Variants in GNB1 observed in about 807,000 individuals in gnomAD.
The protein encoded by GNB1 is guanine nucleotide-binding protein G(I)/G(S)/G(T) subunit beta-1.
A neutral mutation model predicts 42.9 loss-of-function variants in GNB1; 2 were observed. That is an observed-to-expected ratio of 0.05 (90% CI 0.02 to 0.15). The LOEUF (loss-of-function observed/expected upper bound fraction) is 0.15. Among genes scored for constraint, GNB1 ranks in the 10% least tolerant of loss-of-function variants. GNB1 has a pLI of 1.00. For missense variants in GNB1, 193 were observed against 462.2 expected (o/e 0.42, Z 5.34); for synonymous variants, 183 against 174.7 (o/e 1.05, Z -0.38).
At chr1:1,852,369 T>C (rs895330702) in intron 1 of GNB1, among the ~76,000 whole-genome samples, 1 of 151,960 alleles carries the variant, frequency 6.6e-6, no homozygotes, top group Non-Finnish European at 1.5e-5. Flanking sequence ...GCTGGGACTA[T>C]AGACGCCCGC....
At chr1:1,797,332 T>C (rs1472456656) in intron 7 of GNB1, among the ~76,000 whole-genome samples, 1 of 152,248 alleles carries the variant, frequency 6.6e-6, no homozygotes, top group Admixed American at 6.5e-5. Flanking sequence ...ACTATAGTTA[T>C]ATAATACTGT....
chr1:1,806,359 G>C, intron 6 of GNB1, 116 bp downstream of exon 6: 1 of 636,686 alleles, frequency 1.6e-6, no homozygotes, highest in Admixed American at 2.6e-5. Flanking sequence ...AACAAACAGA[G>C]CTTGCCGCTG....
chr1:1,858,837 CCT>C (rs1187186718), intron 1 of GNB1, among the ~76,000 whole-genome samples: 5 of 152,084 alleles, frequency 3.3e-5, no homozygotes, highest in African/African-American at 9.7e-5. Flanking sequence ...CTAATAAAGC[CCT>C]GTTTGCAGTG....
At chr1:1,844,391 CAAAA>C (rs66531711) in intron 1 of GNB1, among the ~76,000 whole-genome samples, 1 of 128,270 alleles carries the variant, frequency 7.8e-6, no homozygotes, top group East Asian at 2.3e-4. Flanking sequence ...ACTCCGTCTC[CAAAA>C]AAAAAAAAAA....
chr1:1,832,691 G>C (rs1483563545), intron 2 of GNB1, among the ~76,000 whole-genome samples: 4 of 152,306 alleles, frequency 2.6e-5, no homozygotes, highest in South Asian at 4.2e-4. Flanking sequence ...GAGAGTCTAG[G>C]AGGGGCACCT....
At chr1:1,843,961 C>T (rs909983590) in intron 1 of GNB1, among the ~76,000 whole-genome samples, 3 of 151,648 alleles carry the variant, frequency 2.0e-5, no homozygotes, top group South Asian at 2.1e-4. Context: ...TTTGGGAGGC[C>T]GAGGCGGGCG....
chr1:1,858,152 A>G (rs190801101), intron 1 of GNB1, among the ~76,000 whole-genome samples: 1 of 152,314 alleles, frequency 6.6e-6, no homozygotes, highest in East Asian at 1.9e-4. Context: ...TCTTTTCTTT[A>G]AAAGCATTCA....
In GNB1 at chr1:1,786,354, TTC is replaced by T. The variant is rs1209568833; in HGVS notation, c.*707_*708del. The T allele has an allele frequency of 3.1e-6, 1 of 322,964 alleles. No homozygotes were observed. The highest frequency in any genetic ancestry group is 5.6e-6 in the Non-Finnish European group (1 of 178,594). The allele number at this position is 322,964 out of a possible 1,614,324, so 20.0% of individuals were successfully genotyped here. A position where few individuals can be genotyped will look rare whatever the true frequency, so the allele number is the denominator to read the frequency against. On this transcript the variant is annotated 3_prime_UTR_variant, in exon 12 of 12. Transcript: ENST00000378609. ...CTCACTTTTCAGCAAAGGTGAAGGA[TTC>T]TCTGATCACGCATTTGAGACCGTCC...
intron 2 of GNB1, among the ~76,000 whole-genome samples, chr1:1,830,456 T>C (rs1420875456): frequency 6.6e-6 from 1 of 150,754 alleles, no homozygotes; most frequent in African/African-American, 2.4e-5. Context: ...AGGGACGGGG[T>C]TTCACCGTGG....
chr1:1,877,298 C>CAA (rs67155402), intron 1 of GNB1, among the ~76,000 whole-genome samples: 6 of 124,682 alleles, frequency 4.8e-5, no homozygotes, highest in Admixed American at 8.8e-5. Context: ...GACTCTGTCT[C>CAA]AAAAAAAAAA....
At chr1:1,871,459 A>T (rs1453580753) in intron 1 of GNB1, among the ~76,000 whole-genome samples, 5 of 151,790 alleles carry the variant, frequency 3.3e-5, no homozygotes, top group African/African-American at 1.2e-4. Flanking sequence ...GACTTAAGGG[A>T]ACCCTTTCCC....
intron 1 of GNB1, among the ~76,000 whole-genome samples, chr1:1,844,571 T>C (rs1647517647): frequency 6.6e-6 from 1 of 152,238 alleles, no homozygotes; most frequent in African/African-American, 2.4e-5. Flanking sequence ...GAGACATACC[T>C]AGAGAATTTC....
At chr1:1,816,002 C>A (rs1414196157) in intron 4 of GNB1, 140 bp from the exon 5 acceptor site, 20 of 652,674 alleles carry the variant, frequency 3.1e-5, no homozygotes, top group Middle Eastern at 4.9e-4. Flanking sequence ...GTGGCTTCCA[C>A]TGTGGCATTC....
intron 8 of GNB1, among the ~76,000 whole-genome samples, chr1:1,792,575 T>C (rs184840483): frequency 1.4e-3 from 208 of 151,230 alleles, no homozygotes; most frequent in Non-Finnish European, 2.0e-3. Context: ...CGCACACCTG[T>C]AGTTCCCAGC....
At chr1:1,829,931 G>A (rs1647053016) in intron 2 of GNB1, among the ~76,000 whole-genome samples, 1 of 151,882 alleles carries the variant, frequency 6.6e-6, no homozygotes, top group African/African-American at 2.4e-5. Context: ...GTAGAGACAG[G>A]GTTTCATCAT....
intron 1 of GNB1, among the ~76,000 whole-genome samples, chr1:1,861,886 A>G (rs1648648629): frequency 1.3e-5 from 2 of 152,132 alleles, no homozygotes; most frequent in African/African-American, 2.4e-5. Flanking sequence ...GTCCTACAGG[A>G]TAACTGGCCT....
intron 2 of GNB1, among the ~76,000 whole-genome samples, chr1:1,828,878 CACACACAT>C (rs999140762): frequency 7.3e-5 from 10 of 136,140 alleles, no homozygotes; most frequent in East Asian, 2.1e-4. Context: ...GCTGTGTACA[CACACACAT>C]ACACACATAC....
At chr1:1,793,219 C>T (rs1189207227) in intron 8 of GNB1, 26 bp downstream of exon 8, 15 of 1,547,734 alleles carry the variant, frequency 9.7e-6, no homozygotes, top group Admixed American at 1.7e-5. Flanking sequence ...TCTCAAGGCA[C>T]TGCCTGCCCC....
chr1:1,848,966 C>A (rs1005592563), intron 1 of GNB1, among the ~76,000 whole-genome samples: 1 of 152,182 alleles, frequency 6.6e-6, no homozygotes, highest in African/African-American at 2.4e-5. Flanking sequence ...TATTCATGAG[C>A]CTCCATGTTT....
Sources: gnomAD v4.1 joint callset for allele counts (sites outside exome capture counted in the v4.1 genomes callset) on GRCh38, gnomAD v4.1.1 for gene constraint, MANE v1.5 for transcripts, NCBI Gene and HGNC (gene_info 2026-07-23, HGNC 2026-07-21) for gene names.